Variants in PRKAR2A observed in about 807,000 individuals in gnomAD.
The protein encoded by PRKAR2A is protein kinase cAMP-dependent type II regulatory subunit alpha.
Under a neutral mutation model 51.9 loss-of-function variants are expected in PRKAR2A, and 29 were observed. The ratio of observed to expected loss-of-function variants is 0.56; its 90% CI spans 0.42 to 0.76. The LOEUF (loss-of-function observed/expected upper bound fraction) is 0.76, where lower values mean the gene tolerates loss of function less well. Ranked by LOEUF, PRKAR2A falls within the 30% of genes least tolerant of loss-of-function variation. The pLI is 0.00. For missense variants in PRKAR2A, 445 were observed against 512.1 expected (o/e 0.87, Z 1.26); for synonymous variants, 178 against 186.2 (o/e 0.96, Z 0.36).
chr3:48,770,279 A>G (rs1318009728), intron 6 of PRKAR2A, among the ~76,000 whole-genome samples: 1 of 152,170 alleles, frequency 6.6e-6, no homozygotes, highest in East Asian at 1.9e-4. Context: ...TGAAGTTCAA[A>G]AGAGAAAAGG....
chr3:48,826,602 C>T (rs2083071541), intron 1 of PRKAR2A, among the ~76,000 whole-genome samples: 1 of 152,112 alleles, frequency 6.6e-6, no homozygotes, highest in African/African-American at 2.4e-5. Context: ...CCCTTTCTCT[C>T]CCCAGAGATT....
In PRKAR2A at chr3:48,751,564, A is replaced by C. The variant is rs1206820781; in HGVS notation, c.*21T>G. 3 of 1,606,304 alleles carry C rather than the reference A, an allele frequency of 1.9e-6. No homozygotes were observed. Among genetic ancestry groups the C allele is most frequent in the African/African-American group, 2.7e-5 (2 of 74,874 alleles). Reference sequence around the variant, plus strand: ...AGAAGGTTTTGGTGTCACACTAAGAAGGCTCTGGGGTGTGGCACACCTACT... The same window carrying C: ...AGAAGGTTTTGGTGTCACACTAAGACGGCTCTGGGGTGTGGCACACCTACT... On this transcript the variant is annotated 3_prime_UTR_variant, in exon 11 of 11. Transcript: ENST00000265563.
chr3:48,787,446 A>G (rs553029863), intron 4 of PRKAR2A, among the ~76,000 whole-genome samples: 1 of 152,254 alleles, frequency 6.6e-6, no homozygotes, highest in South Asian at 2.1e-4. Flanking sequence ...TTGGCTTCCC[A>G]AAGTGCTGGG....
intron 2 of PRKAR2A, among the ~76,000 whole-genome samples, chr3:48,802,582 T>C (rs1249819658): frequency 6.6e-6 from 1 of 152,164 alleles, no homozygotes; most frequent in East Asian, 1.9e-4. Context: ...CGCACACCTG[T>C]AATCCCAGCT....
At chr3:48,813,128 T>G (rs1015793088) in intron 1 of PRKAR2A, among the ~76,000 whole-genome samples, 1 of 151,462 alleles carries the variant, frequency 6.6e-6, no homozygotes, top group Non-Finnish European at 1.5e-5. Context: ...ATAATGAAGT[T>G]GTCCGCCGGG....
intron 6 of PRKAR2A, among the ~76,000 whole-genome samples, chr3:48,770,497 AAAG>A (rs998292272): frequency 1.3e-5 from 2 of 152,146 alleles, no homozygotes; most frequent in African/African-American, 2.4e-5. Flanking sequence ...TTCCAAGGCC[AAAG>A]AAGAAGTCAG....
At chr3:48,827,080 G>A (rs1487058879) in intron 1 of PRKAR2A, among the ~76,000 whole-genome samples, 3 of 152,078 alleles carry the variant, frequency 2.0e-5, no homozygotes, top group Non-Finnish European at 2.9e-5. Context: ...AAAATTTGGT[G>A]TGCATTAAAG....
chr3:48,759,541 C>T (rs1182591607), intron 8 of PRKAR2A, among the ~76,000 whole-genome samples: 1 of 152,158 alleles, frequency 6.6e-6, no homozygotes, highest in Non-Finnish European at 1.5e-5. Context: ...GCACGTGCCA[C>T]CACATTCAGT....
intron 2 of PRKAR2A, among the ~76,000 whole-genome samples, chr3:48,799,883 AG>A (rs1431937128): frequency 6.6e-6 from 1 of 151,834 alleles, no homozygotes; most frequent in Non-Finnish European, 1.5e-5. Flanking sequence ...TTTTTGAGAC[AG>A]AGTCTCACTC....
chr3:48,834,095 C>T (rs2083241243), intron 1 of PRKAR2A, among the ~76,000 whole-genome samples: 1 of 151,584 alleles, frequency 6.6e-6, no homozygotes, highest in African/African-American at 2.4e-5. Context: ...CAGCCATACT[C>T]TCATAGCCAC....
chr3:48,751,191 T>C lies in PRKAR2A; in HGVS notation c.*394A>G. On this transcript the variant is annotated 3_prime_UTR_variant, in exon 11 of 11. Coordinates refer to ENST00000265563, the MANE Select transcript of PRKAR2A (RefSeq NM_004157.4). ...AACCATTAGAGAGTGTCTACAGTTA[T>C]ACAACAGGTTTCTGCAGACCCTGTG... 6 of 415,820 alleles carry C rather than the reference T, an allele frequency of 1.4e-5. No homozygotes were observed. The highest frequency in any genetic ancestry group is 9.1e-5 in the South Asian group (5 of 54,768). The allele number at this position is 415,820 out of a possible 1,614,324, so 25.8% of individuals were successfully genotyped here.
At chr3:48,786,646 T>TA (rs891293003) in intron 4 of PRKAR2A, among the ~76,000 whole-genome samples, 6 of 149,188 alleles carry the variant, frequency 4.0e-5, no homozygotes, top group African/African-American at 1.5e-4. Flanking sequence ...AAATAAAAAA[T>TA]AAAAAAAAAT....
chr3:48,831,525 C>T (rs553081318), intron 1 of PRKAR2A, among the ~76,000 whole-genome samples: 24 of 152,212 alleles, frequency 1.6e-4, no homozygotes, highest in Non-Finnish European at 3.2e-4. Context: ...CATCACCACA[C>T]CTGGCTATTA....
At chr3:48,758,510 G>A (rs1385647196) in intron 8 of PRKAR2A, among the ~76,000 whole-genome samples, 2 of 150,636 alleles carry the variant, frequency 1.3e-5, no homozygotes, top group Non-Finnish European at 2.9e-5. Context: ...TTGAACCCAG[G>A]AGGTGGAGGT....
chr3:48,775,019 GT>G (rs2082084178), intron 5 of PRKAR2A, among the ~76,000 whole-genome samples: 1 of 152,186 alleles, frequency 6.6e-6, no homozygotes, highest in African/African-American at 2.4e-5. Flanking sequence ...GTTAGGGAAA[GT>G]TATTTTTGTT....
intron 5 of PRKAR2A, among the ~76,000 whole-genome samples, chr3:48,782,515 C>T (rs2082216282): frequency 6.6e-6 from 1 of 151,634 alleles, no homozygotes; most frequent in South Asian, 2.1e-4. Context: ...CTCACTGCAA[C>T]AACCTTTGCT....
intron 3 of PRKAR2A, among the ~76,000 whole-genome samples, chr3:48,791,335 G>A (rs2082381636): frequency 7.3e-6 from 1 of 137,594 alleles, no homozygotes; most frequent in South Asian, 2.4e-4. Flanking sequence ...GGTGGCGCAC[G>A]CCTGTAATCC....
rs753257916 is a variant in PRKAR2A, at chr3:48,772,988, A to G, written c.663T>C (p.Ile221=). The part of the protein sequence containing the change: ...LMYNTPRAAT[I]VATSEGSLWG... ...AAAGGGAGCCTTCTGAGGTAGCAACAATGGTAGCAGCTCTCGGGGTGTTGT... is the reference window on the plus strand; with the variant it reads ...AAAGGGAGCCTTCTGAGGTAGCAACGATGGTAGCAGCTCTCGGGGTGTTGT... The change falls in exon 6 of 11, where the codon ATT becomes ATC. Residue 221 remains isoleucine (I), a synonymous_variant. Transcript: ENST00000265563. 1 of 1,613,432 alleles carries G rather than the reference A, an allele frequency of 6.2e-7. No homozygotes were observed. The highest frequency in any genetic ancestry group is 8.5e-7 in the Non-Finnish European group (1 of 1,179,650).
chr3:48,753,581 A>G (rs2081700284), intron 9 of PRKAR2A, among the ~76,000 whole-genome samples: 1 of 152,266 alleles, frequency 6.6e-6, no homozygotes, highest in East Asian at 1.9e-4. Context: ...CTGGAGTTGC[A>G]GCCATATTCG....
Sources: gnomAD v4.1 joint callset for allele counts (sites outside exome capture counted in the v4.1 genomes callset) on GRCh38, gnomAD v4.1.1 for gene constraint, MANE v1.5 for transcripts, NCBI Gene and HGNC (gene_info 2026-07-23, HGNC 2026-07-21) for gene names.